Variants in SNTG1 observed in about 807,000 individuals in gnomAD.
The protein encoded by SNTG1 is gamma-1-syntrophin.
In SNTG1, 39 loss-of-function variants were observed where a neutral mutation model predicts 74.7. The observed-to-expected ratio is 0.52, with a 90% CI of 0.40 to 0.68. The LOEUF (loss-of-function observed/expected upper bound fraction) is 0.68, where lower values mean the gene tolerates loss of function less well. Among genes scored for constraint, SNTG1 ranks in the 30% least tolerant of loss-of-function variants. The pLI is 0.00. For missense variants in SNTG1, 685 were observed against 609.5 expected, an observed-to-expected ratio of 1.12 and a Z score of -1.30; for synonymous variants, 254 against 217.1, an observed-to-expected ratio of 1.17 and a Z score of -1.49.
Position 50,793,821 on chromosome 8 carries a change from G to T in SNTG1, c.*992G>T, listed in dbSNP as rs1192753505. Reference sequence around the variant, plus strand: ...AAGCTATTATAGATGTTAATTAAATGACATTTTTTCATTTTAGTACTATTT... The same window carrying T: ...AAGCTATTATAGATGTTAATTAAATTACATTTTTTCATTTTAGTACTATTT... On this transcript the variant is annotated 3_prime_UTR_variant, in exon 19 of 19. Coordinates refer to ENST00000642720, the MANE Select transcript of SNTG1 (RefSeq NM_018967.5). 2 of 151,822 alleles carry T rather than the reference G, an allele frequency of 1.3e-5. No individual in the cohort carries two copies. Among genetic ancestry groups the T allele is most frequent in the African/African-American group, 4.8e-5 (2 of 41,378 alleles). 9.4% of individuals were successfully genotyped at this position (151,822 alleles called of 1,614,324 possible).
chr8:50,043,797 G>A (rs62515379), intron 1 of SNTG1, among the ~76,000 whole-genome samples: 1,672 of 152,224 alleles, frequency 0.011, 16 homozygotes, highest in South Asian at 0.022. Flanking sequence ...ACTCTTGTGC[G>A]TGCACACACA....
At chr8:50,572,190 C>T (rs2094552546) in intron 12 of SNTG1, among the ~76,000 whole-genome samples, 2 of 151,740 alleles carry the variant, frequency 1.3e-5, no homozygotes, top group Non-Finnish European at 2.9e-5. Context: ...ACTCCTATAG[C>T]ATCTTGTTAT....
chr8:50,336,838 C>T (rs1258851517), intron 2 of SNTG1, among the ~76,000 whole-genome samples: 1 of 152,160 alleles, frequency 6.6e-6, no homozygotes, highest in Admixed American at 6.6e-5. Context: ...GAAATAACTC[C>T]ATAAAATCAT....
At chr8:50,368,860 C>T (rs1194687487) in intron 2 of SNTG1, among the ~76,000 whole-genome samples, 1 of 152,130 alleles carries the variant, frequency 6.6e-6, no homozygotes, top group Non-Finnish European at 1.5e-5. Flanking sequence ...TTAGATTTTT[C>T]CATTTTGAAA....
intron 12 of SNTG1, among the ~76,000 whole-genome samples, chr8:50,582,497 A>G (rs1042131871): frequency 6.6e-6 from 1 of 152,030 alleles, no homozygotes; most frequent in Non-Finnish European, 1.5e-5. Flanking sequence ...GGAAATAAAG[A>G]TATAATTAAG....
At chr8:50,732,557 G>T (rs952900325) in intron 17 of SNTG1, among the ~76,000 whole-genome samples, 10 of 151,604 alleles carry the variant, frequency 6.6e-5, no homozygotes, top group Admixed American at 6.6e-5. Flanking sequence ...TAATAATAAG[G>T]TGTTTAACAT....
chr8:50,476,579 A>C (rs1299430848), intron 8 of SNTG1, among the ~76,000 whole-genome samples: 2 of 152,188 alleles, frequency 1.3e-5, no homozygotes, highest in Non-Finnish European at 2.9e-5. Flanking sequence ...GATAGGATAC[A>C]GTTGGGGATG....
chr8:50,532,236 G>A (rs193052790), intron 10 of SNTG1, among the ~76,000 whole-genome samples: 26 of 152,092 alleles, frequency 1.7e-4, no homozygotes, highest in Admixed American at 5.2e-4. Context: ...TAATAAAACC[G>A]TATGAAAACA....
At chr8:50,034,950 C>T (rs1225290246) in intron 1 of SNTG1, among the ~76,000 whole-genome samples, 1 of 152,160 alleles carries the variant, frequency 6.6e-6, no homozygotes, top group African/African-American at 2.4e-5. Context: ...CACTCCTCAA[C>T]CCAATTTCCA....
At chr8:50,228,204 C>T (rs914918178) in intron 2 of SNTG1, among the ~76,000 whole-genome samples, 9 of 151,618 alleles carry the variant, frequency 5.9e-5, no homozygotes, top group Non-Finnish European at 1.2e-4. Flanking sequence ...AATAAGTAGA[C>T]TTGACATAGC....
chr8:50,184,470 TTAAAATTAAAAA>T (rs1193910758), intron 2 of SNTG1, among the ~76,000 whole-genome samples: 1 of 152,144 alleles, frequency 6.6e-6, no homozygotes, highest in Non-Finnish European at 1.5e-5. Context: ...GGCCTACATC[TTAAAATTAAAAA>T]TAAAATTCCT....
chr8:50,300,858 G>A (rs1048972452), intron 2 of SNTG1, among the ~76,000 whole-genome samples: 5 of 152,030 alleles, frequency 3.3e-5, no homozygotes, highest in South Asian at 2.1e-4. Flanking sequence ...TTCAGTTGAC[G>A]TTTTTATTTT....
intron 8 of SNTG1, among the ~76,000 whole-genome samples, chr8:50,466,110 AT>A (rs1354061443): frequency 6.6e-6 from 1 of 152,142 alleles, no homozygotes; most frequent in East Asian, 1.9e-4. Context: ...ATTCATTGAC[AT>A]AAAAACTAAG....
intron 1 of SNTG1, among the ~76,000 whole-genome samples, chr8:50,162,700 G>A (rs1010880336): frequency 2.0e-5 from 3 of 152,096 alleles, no homozygotes; most frequent in Admixed American, 2.0e-4. Context: ...GGATAGGAAG[G>A]GGTATTTACG....
chr8:50,432,382 T>G (rs990854014), intron 4 of SNTG1, among the ~76,000 whole-genome samples: 3 of 152,182 alleles, frequency 2.0e-5, no homozygotes, highest in African/African-American at 7.2e-5. Flanking sequence ...TCTAAATGCT[T>G]TTTCTGTCAA....
chr8:50,648,570 T>C (rs1265657909), intron 13 of SNTG1, among the ~76,000 whole-genome samples: 1 of 152,116 alleles, frequency 6.6e-6, no homozygotes, highest in East Asian at 1.9e-4. Context: ...TCTAACAATA[T>C]TTGTTAGAAT....
chr8:50,760,266 A>C (rs2095594436), intron 18 of SNTG1, among the ~76,000 whole-genome samples: 1 of 152,204 alleles, frequency 6.6e-6, no homozygotes, highest in Non-Finnish European at 1.5e-5. Flanking sequence ...GGTTTTCTAA[A>C]TATACAATCA....
intron 1 of SNTG1, among the ~76,000 whole-genome samples, chr8:49,973,423 T>C (rs542406668): frequency 6.6e-6 from 1 of 151,666 alleles, no homozygotes; most frequent in East Asian, 1.9e-4. Context: ...AAATGACGAG[T>C]TAATGGGTGC....
intron 2 of SNTG1, among the ~76,000 whole-genome samples, chr8:50,306,290 C>G (rs1401644735): frequency 2.6e-5 from 4 of 151,968 alleles, no homozygotes; most frequent in Non-Finnish European, 5.9e-5. Context: ...TTTATTCATT[C>G]ATTGATTGAT....
Sources: gnomAD v4.1 joint callset for allele counts (sites outside exome capture counted in the v4.1 genomes callset) on GRCh38, gnomAD v4.1.1 for gene constraint, MANE v1.5 for transcripts, NCBI Gene and HGNC (gene_info 2026-07-23, HGNC 2026-07-21) for gene names.